KREMEN2: variants seen among roughly 807,000 people sequenced by gnomAD.
KREMEN2 encodes the protein kringle containing transmembrane protein 2.
KREMEN2 carries 43 observed loss-of-function variants against 49.8 expected under a neutral mutation model. That is an observed-to-expected ratio of 0.86 (90% CI 0.68 to 1.11). The LOEUF is 1.11. KREMEN2 is among the 50% of genes most tolerant of loss of function. The probability of loss-of-function intolerance (pLI) is 0.00; values close to 1 mark genes in which losing one functional copy is unlikely to be tolerated. For missense variants in KREMEN2, 686 were observed against 665.7 expected (o/e 1.03, Z -0.34); for synonymous variants, 355 against 304.9 (o/e 1.16, Z -1.71).
Position 2,964,854 on chromosome 16 carries a change from T to G in KREMEN2, c.95-5T>G. On this transcript the variant is annotated splice_polypyrimidine_tract_variant and splice_region_variant and intron_variant, in intron 1 of 8. Transcript: ENST00000303746. ...ACCTCCCCAGGCCCTGCCTTTGCCG[T>G]GCAGGCCTGTCCGAATGCTTCCAGG... The G allele has an allele frequency of 6.2e-7, 1 of 1,610,520 alleles. No individual in the cohort carries two copies. The highest frequency in any genetic ancestry group is 8.5e-7 in the Non-Finnish European group (1 of 1,179,008).
chr16:2,965,131 T>C (rs1339328235), intron 2 of KREMEN2, 98 bp downstream of exon 2: 30 of 636,030 alleles, frequency 4.7e-5, no homozygotes, highest in African/African-American at 5.9e-5. Context: ...AGGTCTGCCG[T>C]GGACTGGCAG....
Position 2,967,344 on chromosome 16 carries a change from C to T in KREMEN2, c.998C>T (p.Pro333Leu), listed in dbSNP as rs893683022. 2 of 1,408,376 alleles carry T rather than the reference C, an allele frequency of 1.4e-6. No homozygotes were observed. The highest frequency in any genetic ancestry group is 1.5e-5 in the South Asian group (1 of 64,660). The allele number at this position is 1,408,376 out of a possible 1,614,324, so 87.2% of individuals were successfully genotyped here. A position where few individuals can be genotyped will look rare whatever the true frequency, so the allele number is the denominator to read the frequency against. ...YRGLQDAAEDPEAPEGSAQTP... is the reference protein window; with the variant it reads ...YRGLQDAAEDLEAPEGSAQTP... ...GGGCTGCAGGACGCCGCTGAGGACC[C>T]AGAGGCCCCCGAGGGCTCGGCCCAG... Residue 333 changes from proline (P) to leucine (L), a missense_variant, in exon 7 of 9, where the codon CCA (proline) becomes CTA (leucine). Transcript: ENST00000303746.
chr16:2,967,688 T>C (rs1025884553), intron 8 of KREMEN2, 84 bp downstream of exon 8: 1 of 1,546,746 alleles, frequency 6.5e-7, no homozygotes. Context: ...AGGAAGGAAC[T>C]CCTGGGTTCT....
At position 2,967,395 on chromosome 16, in the gene KREMEN2, C is replaced by A. The variant is rs941571127; in HGVS notation, c.1049C>A (p.Ala350Asp). 1.4e-6 allele frequency: 2 copies of A among 1,397,590 alleles called. No homozygotes were observed. The highest frequency in any genetic ancestry group is 3.0e-5 in the East Asian group (1 of 33,784). 86.6% of individuals were successfully genotyped at this position (1,397,590 alleles called of 1,614,324 possible). A position where few individuals can be genotyped will look rare whatever the true frequency, so the allele number is the denominator to read the frequency against. The change falls in exon 7 of 9, where the codon GCC (alanine) becomes GAC (aspartate). Residue 350 changes from alanine to aspartate, a missense_variant. By Grantham distance (126) the Ala-to-Asp change is moderately radical. Coordinates refer to ENST00000303746, the MANE Select transcript of KREMEN2 (RefSeq NM_172229.3). ...ACCCCCGCGGCGCCCCTCGACGGGG[C>A]CAACGTGAGCTGCAGCCCCAGGCCT... The part of the protein sequence containing the change: ...AQTPAAPLDG[A>D]NVSCSPRPGA...
chr16:2,964,779 C>T (rs972203844), intron 1 of KREMEN2, 80 bp from the exon 2 acceptor site: 2 of 1,528,920 alleles, frequency 1.3e-6, no homozygotes, highest in East Asian at 4.7e-5. Flanking sequence ...TGGCTGGGGA[C>T]CCAGGCGGGA....
In KREMEN2 at chr16:2,964,987, A is replaced by G; in HGVS notation, c.223A>G (p.Ser75Gly). The G allele has an allele frequency of 3.2e-6, 5 of 1,570,760 alleles. No homozygotes were observed. The highest frequency in any genetic ancestry group is 4.3e-6 in the Non-Finnish European group (5 of 1,159,596). ...QTQQHSYSSA[S>G]DPHGRWGLGA... Reference sequence around the variant, plus strand: ...GCAGCAACACAGCTACAGCAGCGCCAGCGACCCCCACGGCCGCTGGGGGCT... The same window carrying G: ...GCAGCAACACAGCTACAGCAGCGCCGGCGACCCCCACGGCCGCTGGGGGCT... Residue 75 changes from serine (S) to glycine (G), a missense_variant, in exon 2 of 9, where the codon AGC becomes GGC. Coordinates refer to ENST00000303746, the MANE Select transcript of KREMEN2 (RefSeq NM_172229.3).
In KREMEN2 at chr16:2,968,346, C is replaced by A. The variant is rs948811336; in HGVS notation, c.*326C>A. On this transcript the variant is annotated 3_prime_UTR_variant, in exon 9 of 9. Transcript: ENST00000303746. Reference sequence around the variant, plus strand: ...AGGTCAGCAAAAACAGTCAAAAAACCCCCACAGATTTTGAATAAAGGATCT... The same window carrying A: ...AGGTCAGCAAAAACAGTCAAAAAACACCCACAGATTTTGAATAAAGGATCT... 10 of 1,535,038 alleles carry A rather than the reference C, an allele frequency of 6.5e-6. No individual in the cohort carries two copies. In the African/African-American group the frequency reaches 8.2e-5, roughly 13 times the overall value.
rs1322769346 is a variant in KREMEN2 at position 2,966,310 on chromosome 16, ACT to A, written c.362-12_362-11del. 1.4e-5 allele frequency: 22 copies of A among 1,612,306 alleles called. No homozygotes were observed. Among genetic ancestry groups the A allele is most frequent in the Non-Finnish European group, 1.9e-5 (22 of 1,179,834 alleles). On this transcript the variant is annotated splice_polypyrimidine_tract_variant and intron_variant, in intron 3 of 8. Coordinates refer to ENST00000303746, the MANE Select transcript of KREMEN2 (RefSeq NM_172229.3). This position sits in a 1 kb window ranked among gnomAD's most constrained non-coding sequence, Gnocchi z 8.4. ...TTGTTTTCGGAGTCACGGAAGTCTGACTCTGCCCCCTCAGTGCCAGGCTACCT... is the reference window on the plus strand; with the variant it reads ...TTGTTTTCGGAGTCACGGAAGTCTGACTGCCCCCTCAGTGCCAGGCTACCT...
At chr16:2,965,434 C>T (rs909000668) in intron 2 of KREMEN2, among the ~76,000 whole-genome samples, 1 of 152,074 alleles carries the variant, frequency 6.6e-6, no homozygotes, top group African/African-American at 2.4e-5. Context: ...ATGGACCCAG[C>T]GGGAGGAGAG....
In KREMEN2 at chr16:2,966,676, G is replaced by A. The variant is rs749289477; in HGVS notation, c.521G>A (p.Cys174Tyr). The change falls in exon 5 of 9, where the codon TGT (cysteine) becomes TAT (tyrosine). Residue 174 changes from cysteine to tyrosine, a missense_variant. Cys to Tyr is a radical substitution (Grantham distance 194). Transcript: ENST00000303746. The surrounding 1 kb of genome is among the most constrained non-coding windows in gnomAD (Gnocchi z 8.4). ...GTGGAGGCCGGTTACGCCTGCTTCT[G>A]TGGCTCTGAAAGCGACCTGGCCCGG... The part of the protein sequence containing the change: ...AGVEAGYACF[C>Y]GSESDLARGR... 6.2e-7 allele frequency: 1 copy of A among 1,611,204 alleles called. No individual in the cohort carries two copies. The highest frequency in any genetic ancestry group is 8.5e-7 in the Non-Finnish European group (1 of 1,179,922).
At chr16:2,965,874 C>A (rs2071807546) in intron 2 of KREMEN2, among the ~76,000 whole-genome samples, 1 of 152,084 alleles carries the variant, frequency 6.6e-6, no homozygotes, top group African/African-American at 2.4e-5. Context: ...TATATGGAGT[C>A]AAGTCTAGCA....
Position 2,967,454 on chromosome 16 carries a change from G to T in KREMEN2, c.1099+9G>T. On this transcript the variant is annotated intron_variant, in intron 7 of 8. Transcript: ENST00000303746. Reference sequence around the variant, plus strand: ...GCCGGCCGCGATTGGGGGTGAGGCGGGCGCGCGGGACGGGAGTGAGTCAGG... The same window carrying T: ...GCCGGCCGCGATTGGGGGTGAGGCGTGCGCGCGGGACGGGAGTGAGTCAGG... The T allele has an allele frequency of 1.4e-6, 2 of 1,419,076 alleles. No individual in the cohort carries two copies. Among genetic ancestry groups the T allele is most frequent in the Non-Finnish European group, 1.8e-6 (2 of 1,097,314 alleles). The allele number at this position is 1,419,076 out of a possible 1,614,324, so 87.9% of individuals were successfully genotyped here. A position where few individuals can be genotyped will look rare whatever the true frequency, so the allele number is the denominator to read the frequency against.
rs2071823111 is a variant in KREMEN2, at chr16:2,966,547, G to A, written c.487-95G>A. 2 of 1,574,262 alleles carry A rather than the reference G, an allele frequency of 1.3e-6. No individual in the cohort carries two copies. The highest frequency in any genetic ancestry group is 1.7e-6 in the Non-Finnish European group (2 of 1,164,832). ...TTGCCAAACCCAGACACCGGTTTCT[G>A]AACCTCCAGCCCGATTCCCACCCCG... is the stretch of plus-strand genomic sequence containing the variant. On this transcript the variant is annotated intron_variant, in intron 4 of 8. Coordinates refer to ENST00000303746, the MANE Select transcript of KREMEN2 (RefSeq NM_172229.3). The surrounding 1 kb of genome is among the most constrained non-coding windows in gnomAD (Gnocchi z 8.4).
rs2071846290 is a variant in KREMEN2, at chr16:2,967,278, C to A, written c.973+36C>A. 3 of 1,364,266 alleles carry A rather than the reference C, an allele frequency of 2.2e-6. No homozygotes were observed. In the African/African-American group the frequency reaches 4.6e-5, roughly 21 times the overall value. The allele number at this position is 1,364,266 out of a possible 1,614,324, so 84.5% of individuals were successfully genotyped here. A position where few individuals can be genotyped will look rare whatever the true frequency, so the allele number is the denominator to read the frequency against. On this transcript the variant is annotated intron_variant, in intron 6 of 8. Transcript: ENST00000303746. The stretch of plus-strand genomic sequence containing the variant: ...GCTCGGCGCGCCCTGCCCGCTGTTC[C>A]CACCCCGCTCTCCCCACCCCGCCTC...
At position 2,966,398 on chromosome 16, in the gene KREMEN2, G is replaced by C. The variant is rs764459804; in HGVS notation, c.435G>C (p.Thr145=). The part of the protein sequence containing the change: ...PALSGPSGTS[T]KLTVQVCLRF... ...TCAGCGGCCCCAGCGGCACCTCCACGAAGCTCACGGTCCAGGTGTGCCTAC... is the reference window on the plus strand; with the variant it reads ...TCAGCGGCCCCAGCGGCACCTCCACCAAGCTCACGGTCCAGGTGTGCCTAC... The change falls in exon 4 of 9, where the codon ACG becomes ACC. Residue 145 remains threonine, a synonymous_variant. Coordinates refer to ENST00000303746, the MANE Select transcript of KREMEN2 (RefSeq NM_172229.3). The surrounding 1 kb of genome is among the most constrained non-coding windows in gnomAD (Gnocchi z 8.4). 3 of 1,611,162 alleles carry C rather than the reference G, an allele frequency of 1.9e-6. No homozygotes were observed. The highest frequency in any genetic ancestry group is 2.5e-6 in the Non-Finnish European group (3 of 1,180,000).
chr16:2,964,740 G>C (rs1189811902), intron 1 of KREMEN2, 119 bp from the exon 2 acceptor site: 1 of 1,399,454 alleles, frequency 7.1e-7, no homozygotes. Flanking sequence ...GCAGCCCGAG[G>C]GCTCCTGCAG....
chr16:2,967,145 G>T lies in KREMEN2; in HGVS notation c.876G>T (p.Pro292=). 1 of 1,389,352 alleles carries T rather than the reference G, an allele frequency of 7.2e-7. No homozygotes were observed. Among genetic ancestry groups the T allele is most frequent in the Non-Finnish European group, 9.3e-7 (1 of 1,080,582 alleles). The allele number at this position is 1,389,352 out of a possible 1,614,324, so 86.1% of individuals were successfully genotyped here. A position where few individuals can be genotyped will look rare whatever the true frequency, so the allele number is the denominator to read the frequency against. The change falls in exon 6 of 9, where the codon CCG becomes CCT. Residue 292 remains proline (P), a synonymous_variant. Transcript: ENST00000303746. The part of the protein sequence containing the change: ...LLRAFDGARP[P]PSGPLRLGTA... ...GCGCCTTCGATGGCGCCCGCCCACC[G>T]CCGTCCGGGCCGCTGCGCCTGGGCA...
rs2071841025 is a variant in KREMEN2, at chr16:2,967,095, G to T, written c.826G>T (p.Asp276Tyr). The T allele has an allele frequency of 6.7e-7, 1 of 1,493,424 alleles. No individual in the cohort carries two copies. The highest frequency in any genetic ancestry group is 8.9e-7 in the Non-Finnish European group (1 of 1,128,648). 92.5% of individuals were successfully genotyped at this position (1,493,424 alleles called of 1,614,324 possible). A position where few individuals can be genotyped will look rare whatever the true frequency, so the allele number is the denominator to read the frequency against. Residue 276 changes from aspartate to tyrosine, a missense_variant, in exon 6 of 9, where the codon GAC becomes TAC. Transcript: ENST00000303746. The part of the protein sequence containing the change: ...ADPRDRLELR[D>Y]AASGSLLRAF... ...CCCGCGCGACCGGCTGGAGCTGCGC[G>T]ACGCGGCTTCGGGCAGCCTGCTCCG...
At position 2,967,049 on chromosome 16, in the gene KREMEN2, C is replaced by A; in HGVS notation, c.780C>A (p.Phe260Leu). ...GPPGAALELT[F>L]RLFELADPRD... is the part of the protein sequence containing the mutation. ...CAGGCGCCGCGCTGGAGCTCACCTT[C>A]CGCCTCTTCGAGCTGGCCGACCCGC... is the stretch of plus-strand genomic sequence containing the variant. The change falls in exon 6 of 9, where the codon TTC (phenylalanine) becomes TTA (leucine). Residue 260 changes from phenylalanine (F) to leucine (L), a missense_variant. Coordinates refer to ENST00000303746, the MANE Select transcript of KREMEN2 (RefSeq NM_172229.3). 6.5e-7 allele frequency: 1 copy of A among 1,537,560 alleles called. No individual in the cohort carries two copies. The highest frequency in any genetic ancestry group is 8.7e-7 in the Non-Finnish European group (1 of 1,144,270).
Sources: allele counts gnomAD v4.1 joint callset (sites outside exome capture counted in the v4.1 genomes callset), GRCh38; gene constraint gnomAD v4.1.1; non-coding constraint Gnocchi (gnomAD v3.1); transcripts MANE v1.5; gene names NCBI Gene and HGNC (gene_info 2026-07-23, HGNC 2026-07-21).